The following SCHIP1 variants were observed in gnomAD, a reference collection of about 807,000 sequenced individuals.
SCHIP1 encodes the protein schwannomin-interacting protein 1.
A neutral mutation model predicts 29.7 loss-of-function variants in SCHIP1; 8 were observed. The ratio of observed to expected loss-of-function variants is 0.27; its 90% CI spans 0.16 to 0.49. The LOEUF is 0.49. SCHIP1 is among the 20% of genes least tolerant of loss of function. The probability of loss-of-function intolerance (pLI) is 0.99; values close to 1 mark genes in which losing one functional copy is unlikely to be tolerated. For missense variants in SCHIP1, 193 were observed against 294.6 expected (o/e 0.66, Z 2.52); for synonymous variants, 76 against 94.9 (o/e 0.80, Z 1.16).
chr3:159,658,729 C>T, the SCHIP1 span, among the ~76,000 whole-genome samples: 4 of 152,260 alleles, frequency 2.6e-5, no homozygotes, highest in South Asian at 8.3e-4. Context: ...ACCCAAATAC[C>T]AGATTTATAT....
At chr3:159,432,309 T>A in the SCHIP1 span, among the ~76,000 whole-genome samples, 1 of 102,270 alleles carries the variant, frequency 9.8e-6, no homozygotes, top group African/African-American at 3.0e-5. Context: ...TGTGTGTGTG[T>A]GTGTGTGTGT....
the SCHIP1 span, among the ~76,000 whole-genome samples, chr3:159,495,728 G>C: frequency 4.6e-5 from 7 of 152,158 alleles, no homozygotes; most frequent in African/African-American, 1.7e-4. Context: ...AGCTACCAAT[G>C]ACTTTCTTCA....
the SCHIP1 span, among the ~76,000 whole-genome samples, chr3:159,363,901 G>A: frequency 6.6e-6 from 1 of 152,140 alleles, no homozygotes; most frequent in East Asian, 1.9e-4. Flanking sequence ...GAGAAAATCA[G>A]AATATATCTG....
the SCHIP1 span, among the ~76,000 whole-genome samples, chr3:159,594,851 G>T: frequency 2.0e-5 from 3 of 152,178 alleles, no homozygotes; most frequent in South Asian, 2.1e-4. Context: ...AAGCCTGGTT[G>T]TTCACTTAAT....
chr3:159,894,781 C>T (rs561770332), intron 6 of SCHIP1: 1 of 151,088 alleles, frequency 6.6e-6, no homozygotes. Flanking sequence ...TCTTATATAA[C>T]TTGCTGATAA....
the SCHIP1 span, among the ~76,000 whole-genome samples, chr3:159,521,995 TA>T: frequency 6.6e-6 from 1 of 152,192 alleles, no homozygotes; most frequent in Non-Finnish European, 1.5e-5. Context: ...AATAGCCAAT[TA>T]AAAATTTTAA....
chr3:159,463,624 A>C, the SCHIP1 span, among the ~76,000 whole-genome samples: 5 of 152,166 alleles, frequency 3.3e-5, no homozygotes, highest in Middle Eastern at 3.4e-3. Flanking sequence ...CAAAAATACA[A>C]GCTAATAAAA....
At chr3:159,446,507 C>A in the SCHIP1 span, among the ~76,000 whole-genome samples, 1 of 152,074 alleles carries the variant, frequency 6.6e-6, no homozygotes, top group African/African-American at 2.4e-5. Flanking sequence ...TACAGCAATA[C>A]AGTATTGTTG....
the SCHIP1 span, among the ~76,000 whole-genome samples, chr3:159,544,456 G>A: frequency 6.6e-6 from 1 of 152,020 alleles, no homozygotes; most frequent in Non-Finnish European, 1.5e-5. Flanking sequence ...TCCAACATGA[G>A]TTGTACCAAC....
intron 3 of SCHIP1, chr3:159,886,620 G>C (rs1344005140): frequency 1.1e-5 from 3 of 273,934 alleles, no homozygotes; most frequent in Non-Finnish European, 1.4e-5. Flanking sequence ...AACATTAGCT[G>C]ATCATGGTGC....
chr3:159,352,974 G>C, the SCHIP1 span, among the ~76,000 whole-genome samples: 1 of 152,078 alleles, frequency 6.6e-6, no homozygotes, highest in Non-Finnish European at 1.5e-5. Flanking sequence ...TGCGTTTGGG[G>C]GACAGCAAAT....
the SCHIP1 span, among the ~76,000 whole-genome samples, chr3:159,368,584 G>A: frequency 6.6e-6 from 1 of 152,162 alleles, no homozygotes; most frequent in South Asian, 2.1e-4. Flanking sequence ...ATTAAAAATT[G>A]TATTACTTCA....
chr3:159,693,423 G>T, the SCHIP1 span, among the ~76,000 whole-genome samples: 190 of 152,264 alleles, frequency 1.2e-3, no homozygotes, highest in African/African-American at 4.5e-3. Context: ...CGATTTTCCT[G>T]CCAGCAGTCT....
the SCHIP1 span, among the ~76,000 whole-genome samples, chr3:159,588,450 G>A: frequency 9.2e-5 from 14 of 152,130 alleles, no homozygotes; most frequent in African/African-American, 3.4e-4. Flanking sequence ...CTTTTGCTGT[G>A]CAGAAGCTCT....
chr3:159,472,761 G>T, the SCHIP1 span, among the ~76,000 whole-genome samples: 2 of 152,266 alleles, frequency 1.3e-5, no homozygotes, highest in East Asian at 3.9e-4. Context: ...TAAAACTTAA[G>T]GAGCCACCAG....
chr3:159,683,731 G>T, the SCHIP1 span, among the ~76,000 whole-genome samples: 1 of 152,150 alleles, frequency 6.6e-6, no homozygotes, highest in Non-Finnish European at 1.5e-5. Context: ...TGGGAGACAG[G>T]GTGGGAGATG....
the SCHIP1 span, among the ~76,000 whole-genome samples, chr3:159,437,693 A>T: frequency 6.6e-6 from 1 of 152,124 alleles, no homozygotes; most frequent in Non-Finnish European, 1.5e-5. Flanking sequence ...GCCCACCCTT[A>T]GCTAAAATGC....
chr3:159,652,046 A>T, the SCHIP1 span, among the ~76,000 whole-genome samples: 3 of 152,026 alleles, frequency 2.0e-5, no homozygotes, highest in African/African-American at 7.2e-5. Context: ...CAGTGAGCCC[A>T]GATTGTGCCA....
chr3:159,424,607 A>G, the SCHIP1 span, among the ~76,000 whole-genome samples: 4 of 152,258 alleles, frequency 2.6e-5, no homozygotes, highest in Non-Finnish European at 5.9e-5. Flanking sequence ...ACCAAGTTGG[A>G]AAACACTCTG....
Sources: allele counts gnomAD v4.1 joint callset (sites outside exome capture counted in the v4.1 genomes callset), GRCh38; gene constraint gnomAD v4.1.1; transcripts MANE v1.5; gene names NCBI Gene and HGNC (gene_info 2026-07-23, HGNC 2026-07-21).